Variants in MDGA2 observed in about 807,000 individuals in gnomAD.
The protein encoded by MDGA2 is MAM domain-containing glycosylphosphatidylinositol anchor protein 2.
In MDGA2, 40 loss-of-function variants were observed where a neutral mutation model predicts 117.8. The observed-to-expected ratio is 0.34, with a 90% CI of 0.26 to 0.44. The LOEUF (loss-of-function observed/expected upper bound fraction) is 0.44. Ranked by LOEUF, MDGA2 falls within the 20% of genes least tolerant of loss-of-function variation. The pLI is 1.00. For synonymous variants in MDGA2, 452 were observed against 439.0 expected (o/e 1.03, Z -0.37); for missense variants, 1,123 against 1,250.6 (o/e 0.90, Z 1.54).
At chr14:47,064,870 A>C (rs973683082) in intron 6 of MDGA2, among the ~76,000 whole-genome samples, 1 of 152,152 alleles carries the variant, frequency 6.6e-6, no homozygotes, top group Admixed American at 6.6e-5. Context: ...CTACCAGTTA[A>C]GATTTTAAAC....
intron 3 of MDGA2, among the ~76,000 whole-genome samples, chr14:47,205,385 T>C (rs1358261945): frequency 2.0e-5 from 3 of 152,040 alleles, no homozygotes; most frequent in African/African-American, 7.2e-5. Context: ...GGGTAGATAA[T>C]ATGCTTTATA....
At chr14:47,250,896 G>A (rs1204312643) in intron 2 of MDGA2, among the ~76,000 whole-genome samples, 1 of 152,072 alleles carries the variant, frequency 6.6e-6, no homozygotes, top group Non-Finnish European at 1.5e-5. Flanking sequence ...TCTGAATCTG[G>A]GAGGAGCTGC....
At chr14:46,898,254 C>G (rs1434362613) in intron 10 of MDGA2, among the ~76,000 whole-genome samples, 1 of 151,774 alleles carries the variant, frequency 6.6e-6, no homozygotes, top group East Asian at 1.9e-4. Context: ...GGAAGAGACT[C>G]TGGTAATTTC....
intron 8 of MDGA2, among the ~76,000 whole-genome samples, chr14:47,023,531 A>G (rs1888368796): frequency 6.6e-6 from 1 of 152,216 alleles, no homozygotes; most frequent in Admixed American, 6.5e-5. Context: ...GTGAATATTT[A>G]GAGAAATTAT....
chr14:46,877,178 T>C (rs1284902784), intron 12 of MDGA2, among the ~76,000 whole-genome samples: 1 of 151,494 alleles, frequency 6.6e-6, no homozygotes, highest in Non-Finnish European at 1.5e-5. Flanking sequence ...AAAAATGATA[T>C]GCAATCCCAC....
intron 1 of MDGA2, among the ~76,000 whole-genome samples, chr14:47,640,921 T>C (rs1007149723): frequency 3.3e-5 from 5 of 152,110 alleles, no homozygotes; most frequent in Admixed American, 2.6e-4. Flanking sequence ...GCTAGTACTA[T>C]AGAGCTTACT....
At chr14:47,237,417 G>C (rs1886900547) in intron 2 of MDGA2, among the ~76,000 whole-genome samples, 1 of 152,082 alleles carries the variant, frequency 6.6e-6, no homozygotes, top group South Asian at 2.1e-4. Context: ...CAGTAGAAAT[G>C]ATTCTAAATA....
At chr14:47,561,175 G>GTTTTTTTTTTTTTTTTTTTTTTTTTTT (rs150826944) in intron 1 of MDGA2, among the ~76,000 whole-genome samples, 2 of 69,394 alleles carry the variant, frequency 2.9e-5, no homozygotes, top group African/African-American at 5.1e-5. Flanking sequence ...TTTTTTGTTT[G>GTTTTTTTTTTTTTTTTTTTTTTTTTTT]TTTGTTTTTT....
intron 8 of MDGA2, among the ~76,000 whole-genome samples, chr14:46,988,455 G>A (rs902424806): frequency 3.0e-4 from 46 of 152,012 alleles, no homozygotes; most frequent in African/African-American, 1.1e-3. Context: ...GTTAGATTCT[G>A]ACATGTTTGC....
At chr14:47,328,679 T>C (rs1331876270) in intron 1 of MDGA2, among the ~76,000 whole-genome samples, 1 of 152,132 alleles carries the variant, frequency 6.6e-6, no homozygotes. Context: ...GTTTTTACTT[T>C]TCCAGGTATC....
intron 6 of MDGA2, among the ~76,000 whole-genome samples, chr14:47,091,329 C>T (rs10144189): frequency 0.11 from 17,324 of 152,026 alleles, 1,289 homozygotes; most frequent in African/African-American, 0.22. Flanking sequence ...AGACAATAAA[C>T]AGACAAATTC....
chr14:47,172,807 T>G (rs1384062352), intron 3 of MDGA2, among the ~76,000 whole-genome samples: 1 of 152,118 alleles, frequency 6.6e-6, no homozygotes, highest in East Asian at 1.9e-4. Flanking sequence ...GAGAATGACT[T>G]TGACAAGTTG....
chr14:47,308,502 G>GTTTTTTTTTTTTTTTTTTTTTTTTT, intron 1 of MDGA2, among the ~76,000 whole-genome samples: 1 of 112,922 alleles, frequency 8.9e-6, no homozygotes, highest in Non-Finnish European at 1.9e-5. Context: ...CTTTCTGTTA[G>GTTTTTTTTTTTTTTTTTTTTTTTTT]TTTTTTTTTT....
At chr14:47,095,018 C>G (rs559141333) in intron 6 of MDGA2, among the ~76,000 whole-genome samples, 6 of 151,974 alleles carry the variant, frequency 3.9e-5, no homozygotes, top group African/African-American at 1.4e-4. Context: ...CTTTGTATTT[C>G]TGTATTCCAT....
At chr14:47,594,480 T>C (rs1268531410) in intron 1 of MDGA2, among the ~76,000 whole-genome samples, 4 of 152,154 alleles carry the variant, frequency 2.6e-5, no homozygotes, top group Non-Finnish European at 4.4e-5. Context: ...GTTGTTTTCA[T>C]TGGAAAGGTA....
chr14:46,998,935 T>C (rs1419004965), intron 8 of MDGA2, among the ~76,000 whole-genome samples: 3 of 152,068 alleles, frequency 2.0e-5, no homozygotes, highest in Non-Finnish European at 4.4e-5. Flanking sequence ...TGTTCTATCA[T>C]AAGAAATCTC....
intron 1 of MDGA2, among the ~76,000 whole-genome samples, chr14:47,606,146 T>C (rs192677038): frequency 6.6e-6 from 1 of 152,220 alleles, no homozygotes; most frequent in Admixed American, 6.6e-5. Flanking sequence ...ACTAAATTAA[T>C]AGTTTATGAG....
intron 2 of MDGA2, among the ~76,000 whole-genome samples, chr14:47,241,232 C>A (rs1887028154): frequency 6.6e-6 from 1 of 151,792 alleles, no homozygotes; most frequent in Non-Finnish European, 1.5e-5. Context: ...AGGGAAATAC[C>A]TTAAGTAATC....
intron 6 of MDGA2, among the ~76,000 whole-genome samples, chr14:47,084,308 G>A (rs970442299): frequency 6.6e-6 from 1 of 152,014 alleles, no homozygotes; most frequent in Non-Finnish European, 1.5e-5. Context: ...ATGGGTCAAA[G>A]AAGTACCAAG....
Sources: allele counts gnomAD v4.1 joint callset (sites outside exome capture counted in the v4.1 genomes callset), GRCh38; gene constraint gnomAD v4.1.1; transcripts MANE v1.5; gene names NCBI Gene and HGNC (gene_info 2026-07-23, HGNC 2026-07-21).